Variants in CDH13 observed in about 807,000 individuals in gnomAD.
CDH13 encodes the protein cadherin 13.
A neutral mutation model predicts 63.8 loss-of-function variants in CDH13; 24 were observed. That is an observed-to-expected ratio of 0.38 (90% confidence interval 0.27 to 0.53). The LOEUF (loss-of-function observed/expected upper bound fraction) is 0.53. CDH13 is among the 20% of genes least tolerant of loss of function. The probability of loss-of-function intolerance (pLI) is 0.85; values close to 1 mark genes in which losing one functional copy is unlikely to be tolerated. For synonymous variants in CDH13, 503 were observed against 355.3 expected, an observed-to-expected ratio of 1.42 and a Z score of -4.67; for missense variants, 1,049 against 903.1, an observed-to-expected ratio of 1.16 and a Z score of -2.07.
chr16:83,626,834 C>G (rs1045749793), intron 8 of CDH13, among the ~76,000 whole-genome samples: 2 of 152,124 alleles, frequency 1.3e-5, no homozygotes, highest in African/African-American at 4.8e-5. Context: ...TCCCTGTACC[C>G]GCTCTCCCTA....
At chr16:83,685,411 A>G (rs1330121557) in intron 10 of CDH13, among the ~76,000 whole-genome samples, 1 of 152,230 alleles carries the variant, frequency 6.6e-6, no homozygotes, top group Non-Finnish European at 1.5e-5. Flanking sequence ...TATTTGCATA[A>G]TCAAAATAAT....
At chr16:83,216,690 G>C (rs2039543529) in intron 4 of CDH13, among the ~76,000 whole-genome samples, 1 of 145,286 alleles carries the variant, frequency 6.9e-6, no homozygotes, top group African/African-American at 2.5e-5. Flanking sequence ...CCCCTAAATT[G>C]AGGTATCTAT....
At chr16:82,937,725 A>C (rs1713439268) in intron 2 of CDH13, among the ~76,000 whole-genome samples, 1 of 152,238 alleles carries the variant, frequency 6.6e-6, no homozygotes, top group African/African-American at 2.4e-5. Flanking sequence ...GTAGGTCATC[A>C]TGAATCAAGC....
At chr16:82,643,989 A>G (rs1445716533) in intron 1 of CDH13, among the ~76,000 whole-genome samples, 2 of 151,932 alleles carry the variant, frequency 1.3e-5, no homozygotes, top group Non-Finnish European at 2.9e-5. Context: ...GCTTCAAGTG[A>G]TCCTCCAGGA....
chr16:83,684,168 AC>A (rs1567514031), intron 10 of CDH13, among the ~76,000 whole-genome samples: 1 of 152,106 alleles, frequency 6.6e-6, no homozygotes, highest in Admixed American at 6.5e-5. Flanking sequence ...GGAGTTCGAG[AC>A]CAGCCTGGCC....
intron 7 of CDH13, among the ~76,000 whole-genome samples, chr16:83,547,080 C>T (rs1451476133): frequency 2.0e-5 from 3 of 152,150 alleles, no homozygotes; most frequent in Non-Finnish European, 4.4e-5. Context: ...GTGAATGTGT[C>T]AAGCACTGTG....
chr16:82,759,049 T>C (rs993594134), intron 1 of CDH13, among the ~76,000 whole-genome samples: 2 of 152,170 alleles, frequency 1.3e-5, no homozygotes, highest in African/African-American at 4.8e-5. Flanking sequence ...TGGGGGCTTA[T>C]TAAGCAGCAA....
intron 6 of CDH13, among the ~76,000 whole-genome samples, chr16:83,368,320 C>A (rs992689805): frequency 2.0e-5 from 3 of 152,104 alleles, no homozygotes; most frequent in Admixed American, 2.0e-4. Flanking sequence ...TAGCATTGTT[C>A]CAAATCCTCA....
In CDH13 at chr16:83,003,406, C is replaced by T. The variant is rs1362623078; in HGVS notation, c.158-28604C>T. ...TAAGTGGGTTTTTTTTTTTAATTTTCTATCTCAAAAATCCAGGCTCATAAA... is the reference window on the plus strand; with the variant it reads ...TAAGTGGGTTTTTTTTTTTAATTTTTTATCTCAAAAATCCAGGCTCATAAA... On this transcript the variant is annotated intron_variant, in intron 2 of 13. Coordinates refer to ENST00000567109, the MANE Select transcript of CDH13 (RefSeq NM_001257.5). Among the ~76,000 whole-genome samples the T allele has an allele frequency of 7.6e-4, 114 of 150,244 alleles. 1 individual carries two copies. The East Asian group carries it at 0.022, about 29-fold the overall frequency.
intron 6 of CDH13, among the ~76,000 whole-genome samples, chr16:83,379,143 C>A (rs1367225429): frequency 6.6e-6 from 1 of 152,142 alleles, no homozygotes; most frequent in Non-Finnish European, 1.5e-5. Flanking sequence ...GGTTTGTTGG[C>A]AATTATTCTT....
intron 7 of CDH13, among the ~76,000 whole-genome samples, chr16:83,542,098 A>C (rs749070121): frequency 3.9e-5 from 6 of 152,214 alleles, no homozygotes; most frequent in Non-Finnish European, 8.8e-5. Context: ...GCAGAGCCTC[A>C]GGCCTCATGC....
rs929581552 is a variant in CDH13 at position 82,813,464 on chromosome 16, A to G, written c.46-44898A>G. ...CTGATGTAGACTCTTCTGTGCATCA[A>G]AGGGCTCAGAAGTGGTATTAGCTGG... On this transcript the variant is annotated intron_variant, in intron 1 of 13. Coordinates refer to ENST00000567109, the MANE Select transcript of CDH13 (RefSeq NM_001257.5). Among the ~76,000 whole-genome samples the G allele has an allele frequency of 4.6e-5, 7 of 152,140 alleles. No individual in the cohort carries two copies. The East Asian group carries it at 9.7e-4, about 21-fold the overall frequency.
At chr16:82,889,212 A>G (rs1407366559) in intron 2 of CDH13, among the ~76,000 whole-genome samples, 1 of 152,004 alleles carries the variant, frequency 6.6e-6, no homozygotes, top group East Asian at 1.9e-4. Flanking sequence ...CTGTTTTTTC[A>G]GTTCTAAATA....
chr16:83,708,398 G>T (rs1424592181), intron 10 of CDH13, among the ~76,000 whole-genome samples: 1 of 152,168 alleles, frequency 6.6e-6, no homozygotes, highest in Admixed American at 6.5e-5. Context: ...TGGAAGTGGG[G>T]TTAAGCCAGT....
intron 8 of CDH13, among the ~76,000 whole-genome samples, chr16:83,604,128 A>C (rs1468133801): frequency 1.3e-5 from 2 of 152,154 alleles, no homozygotes; most frequent in Non-Finnish European, 2.9e-5. Context: ...GAACCAAGCC[A>C]CATCAGCCTC....
chr16:83,442,887 CTAT>C (rs2072521941), intron 6 of CDH13, among the ~76,000 whole-genome samples: 1 of 152,230 alleles, frequency 6.6e-6, no homozygotes, highest in African/African-American at 2.4e-5. Context: ...TTGTCAAATG[CTAT>C]TATTTACTGA....
At chr16:83,207,721 A>T (rs895578467) in intron 4 of CDH13, among the ~76,000 whole-genome samples, 3 of 152,014 alleles carry the variant, frequency 2.0e-5, no homozygotes, top group Non-Finnish European at 2.9e-5. Context: ...GGAAAAAAAT[A>T]AAACCCCTGC....
chr16:82,802,912 T>C (rs1309354909), intron 1 of CDH13, among the ~76,000 whole-genome samples: 2 of 152,178 alleles, frequency 1.3e-5, no homozygotes, highest in African/African-American at 4.8e-5. Context: ...CTGTCCTCCT[T>C]ACTTTGAAAT....
At chr16:83,547,746 T>A (rs2075412926) in intron 7 of CDH13, among the ~76,000 whole-genome samples, 1 of 152,192 alleles carries the variant, frequency 6.6e-6, no homozygotes, top group Non-Finnish European at 1.5e-5. Context: ...TAGTGAATAG[T>A]GCTGCAGTGA....
Sources: gnomAD v4.1 joint callset for allele counts (sites outside exome capture counted in the v4.1 genomes callset) on GRCh38, gnomAD v4.1.1 for gene constraint, MANE v1.5 for transcripts, NCBI Gene and HGNC (gene_info 2026-07-23, HGNC 2026-07-21) for gene names.